The following PTPRR variants were observed in gnomAD, a reference collection of about 807,000 sequenced individuals.
The protein encoded by PTPRR is protein tyrosine phosphatase receptor type R.
PTPRR carries 38 observed loss-of-function variants against 77.2 expected under a neutral mutation model. That is an observed-to-expected ratio of 0.49 (90% confidence interval 0.38 to 0.65). The LOEUF is 0.65. PTPRR is among the 30% of genes least tolerant of loss of function. PTPRR has a pLI of 0.00. For synonymous variants in PTPRR, 299 were observed against 283.1 expected, an observed-to-expected ratio of 1.06 and a Z score of -0.57; for missense variants, 744 against 799.2, an observed-to-expected ratio of 0.93 and a Z score of 0.83.
At chr12:70,823,281 C>A (rs1331763541) in intron 2 of PTPRR, among the ~76,000 whole-genome samples, 1 of 152,190 alleles carries the variant, frequency 6.6e-6, no homozygotes, top group Non-Finnish European at 1.5e-5. Context: ...GAAAGGATGG[C>A]AGGCTCCTGA....
intron 1 of PTPRR, among the ~76,000 whole-genome samples, chr12:70,916,963 A>G (rs11178487): frequency 0.59 from 90,292 of 152,104 alleles, 29,352 homozygotes; most frequent in African/African-American, 0.88. Flanking sequence ...TTTGTTAGCA[A>G]AACATTCCCT....
chr12:70,868,898 A>G (rs1021812916), intron 2 of PTPRR, among the ~76,000 whole-genome samples: 7 of 151,844 alleles, frequency 4.6e-5, no homozygotes, highest in Admixed American at 3.3e-4. Flanking sequence ...CATGGATGAA[A>G]CTGGAAATCA....
At chr12:70,800,263 TC>T (rs1476132541) in intron 2 of PTPRR, among the ~76,000 whole-genome samples, 9 of 146,514 alleles carry the variant, frequency 6.1e-5, no homozygotes, top group South Asian at 2.1e-4. Flanking sequence ...CATACTGTTC[TC>T]TCTCTTTTTT....
chr12:70,758,680 G>T (rs1214641719), intron 4 of PTPRR, among the ~76,000 whole-genome samples: 1 of 151,994 alleles, frequency 6.6e-6, no homozygotes, highest in African/African-American at 2.4e-5. Context: ...GGCTGGGAGG[G>T]GCCTGGTGGT....
At chr12:70,740,946 G>A (rs563084515) in intron 6 of PTPRR, among the ~76,000 whole-genome samples, 2 of 152,220 alleles carry the variant, frequency 1.3e-5, no homozygotes, top group Non-Finnish European at 1.5e-5. Flanking sequence ...TGCCAGAAAA[G>A]CTTTCTGCAT....
intron 2 of PTPRR, among the ~76,000 whole-genome samples, chr12:70,825,830 G>A (rs574655002): frequency 2.0e-5 from 3 of 152,290 alleles, no homozygotes; most frequent in East Asian, 3.9e-4. Flanking sequence ...TAAATTGGGG[G>A]AAGAAGCAAT....
chr12:70,761,716 A>G, intron 3 of PTPRR, 90 bp from the exon 4 acceptor site: 3 of 1,029,804 alleles, frequency 2.9e-6, no homozygotes, highest in Non-Finnish European at 4.0e-6. Context: ...CATTAAAGGA[A>G]GTCAGAATTC....
intron 1 of PTPRR, among the ~76,000 whole-genome samples, chr12:70,919,530 C>T (rs1319863385): frequency 1.3e-5 from 2 of 152,130 alleles, no homozygotes; most frequent in African/African-American, 4.8e-5. Context: ...AGGTTTGCTT[C>T]CTCACGAGAC....
At chr12:70,806,907 T>C (rs1462358228) in intron 2 of PTPRR, among the ~76,000 whole-genome samples, 1 of 152,196 alleles carries the variant, frequency 6.6e-6, no homozygotes, top group East Asian at 1.9e-4. Context: ...ACAGAAATTC[T>C]CAAGTCCCTC....
chr12:70,778,526 T>G (rs2136994301), intron 2 of PTPRR, among the ~76,000 whole-genome samples: 1 of 152,314 alleles, frequency 6.6e-6, no homozygotes, highest in Non-Finnish European at 1.5e-5. Flanking sequence ...CAACTATATA[T>G]TCTTCATCTT....
At chr12:70,881,551 C>T (rs1021920998) in intron 2 of PTPRR, among the ~76,000 whole-genome samples, 2 of 152,110 alleles carry the variant, frequency 1.3e-5, no homozygotes, top group Non-Finnish European at 2.9e-5. Context: ...CAGTCAAAAG[C>T]CTAAACCATG....
rs780640797 is a variant in PTPRR, at chr12:70,639,226, C to T, written c.1932G>A (p.Leu644=). 3 of 1,613,628 alleles carry T rather than the reference C, an allele frequency of 1.9e-6. No homozygotes were observed. Among genetic ancestry groups the T allele is most frequent in the Middle Eastern group, 1.7e-4 (1 of 6,058 alleles). ...CTGAAAGTCTGCTCTCATACAGGCA[C>T]AGAGCATGGTGCACAAATTCATACT... ...SEQYEFVHHA[L]CLYESRLSAE... is the part of the protein sequence containing the mutation. Residue 644 remains leucine, a synonymous_variant, in exon 14 of 14, where the codon CTG becomes CTA. Coordinates refer to ENST00000283228, the MANE Select transcript of PTPRR (RefSeq NM_002849.4).
At chr12:70,816,600 T>G (rs569766559) in intron 2 of PTPRR, among the ~76,000 whole-genome samples, 1 of 152,206 alleles carries the variant, frequency 6.6e-6, no homozygotes, top group East Asian at 1.9e-4. Context: ...AATACTTTTA[T>G]AAATAAACCA....
intron 2 of PTPRR, among the ~76,000 whole-genome samples, chr12:70,871,206 A>T (rs1264277275): frequency 6.6e-6 from 1 of 152,208 alleles, no homozygotes; most frequent in Non-Finnish European, 1.5e-5. Flanking sequence ...TTTAGCTGAT[A>T]GGCTGTGATG....
At chr12:70,812,359 A>G (rs1021218954) in intron 2 of PTPRR, among the ~76,000 whole-genome samples, 8 of 152,184 alleles carry the variant, frequency 5.3e-5, no homozygotes, top group African/African-American at 1.7e-4. Flanking sequence ...CACAATGCAA[A>G]TTGTTCCAGA....
chr12:70,761,523 T>C lies in PTPRR; in HGVS notation c.575A>G (p.Asn192Ser), dbSNP rs1315819720. Reference protein sequence around the residue: ...SEEVLRSLNINVLHQSLSQFG... With the variant: ...SEEVLRSLNISVLHQSLSQFG... ...CTGGGATAAACTTTGATGCAAAACA[T>C]TGATATTAAGTGAACGAAGAACTTC... Residue 192 changes from asparagine to serine, a missense_variant, in exon 4 of 14, where the codon AAT becomes AGT. By Grantham distance (46) the Asn-to-Ser change is conservative. Around this residue, in one of 3 missense-constraint regions of PTPRR, gnomAD observed 570 missense variants for 573.2 expected, o/e 0.99. Coordinates refer to ENST00000283228, the MANE Select transcript of PTPRR (RefSeq NM_002849.4). 1.2e-6 allele frequency: 2 copies of C among 1,611,524 alleles called. No individual in the cohort carries two copies. Among genetic ancestry groups the C allele is most frequent in the Non-Finnish European group, 1.7e-6 (2 of 1,178,974 alleles).
intron 2 of PTPRR, among the ~76,000 whole-genome samples, chr12:70,765,795 G>A (rs1021780478): frequency 1.3e-5 from 2 of 152,114 alleles, no homozygotes; most frequent in East Asian, 1.9e-4. Flanking sequence ...TCACACAGCC[G>A]GGTACTCCTC....
intron 10 of PTPRR, among the ~76,000 whole-genome samples, chr12:70,683,888 A>T (rs1252618061): frequency 6.6e-6 from 1 of 152,144 alleles, no homozygotes; most frequent in Non-Finnish European, 1.5e-5. Context: ...ATGGCCCCTT[A>T]TTTCTTTTGT....
chr12:70,819,927 T>C (rs978488632), intron 2 of PTPRR, among the ~76,000 whole-genome samples: 2 of 152,150 alleles, frequency 1.3e-5, no homozygotes, highest in African/African-American at 4.8e-5. Context: ...ATTATGACAA[T>C]CTAATTTTAT....
Sources: allele counts gnomAD v4.1 joint callset (sites outside exome capture counted in the v4.1 genomes callset), GRCh38; gene constraint gnomAD v4.1.1; regional missense constraint gnomAD v4.1.1; transcripts MANE v1.5; gene names NCBI Gene and HGNC (gene_info 2026-07-23, HGNC 2026-07-21).